Variants in KIZ observed in about 807,000 individuals in gnomAD.
KIZ encodes kizuna centrosomal protein.
In KIZ, 68 loss-of-function variants were observed where a neutral mutation model predicts 79.6. The observed-to-expected ratio is 0.85, with a 90% CI of 0.70 to 1.05. The LOEUF (loss-of-function observed/expected upper bound fraction) is 1.05. Among genes scored for constraint, KIZ ranks in the 50% least tolerant of loss-of-function variants. The pLI is 0.00. For missense variants in KIZ, 797 were observed against 800.4 expected (o/e 1.00, Z 0.05); for synonymous variants, 280 against 281.8 (o/e 0.99, Z 0.06).
chr20:21,141,814 C>T, intron 3 of KIZ, among the ~76,000 whole-genome samples: 1 of 139,810 alleles, frequency 7.2e-6, no homozygotes, highest in East Asian at 2.2e-4. Context: ...CACACACACA[C>T]ACACACACAC....
chr20:21,245,831 C>T (rs530367497), intron 12 of KIZ: 2 of 152,414 alleles, frequency 1.3e-5, no homozygotes, highest in African/African-American at 2.4e-5. Context: ...AGTAACCCCA[C>T]TCCCTTGCTC....
intron 2 of KIZ, among the ~76,000 whole-genome samples, chr20:21,133,513 A>G (rs932586939): frequency 6.6e-6 from 1 of 152,178 alleles, no homozygotes; most frequent in Non-Finnish European, 1.5e-5. Flanking sequence ...GGGAGGGGCA[A>G]GTGTGAGAAA....
intron 6 of KIZ, among the ~76,000 whole-genome samples, chr20:21,185,309 A>G (rs2122964393): frequency 6.6e-6 from 1 of 151,368 alleles, no homozygotes; most frequent in South Asian, 2.1e-4. Flanking sequence ...ATTTTGATGG[A>G]CTGGAAATGT....
intron 3 of KIZ, among the ~76,000 whole-genome samples, chr20:21,143,545 G>A (rs1417324569): frequency 6.6e-6 from 1 of 152,164 alleles, no homozygotes; most frequent in Non-Finnish European, 1.5e-5. Context: ...CATTAATTCA[G>A]CTGAAATAAA....
chr20:21,214,756 T>C, intron 8 of KIZ, 56 bp downstream of exon 8: 1 of 1,172,892 alleles, frequency 8.5e-7, no homozygotes, highest in Non-Finnish European at 1.3e-6. Context: ...GTCATCATCA[T>C]CTTTCTCAAG....
intron 6 of KIZ, among the ~76,000 whole-genome samples, chr20:21,182,658 G>T (rs1337780069): frequency 6.6e-6 from 1 of 151,898 alleles, no homozygotes; most frequent in East Asian, 1.9e-4. Flanking sequence ...TTAGCTGGGC[G>T]TGTTGGTGTG....
At chr20:21,129,962 G>A (rs556907445) in intron 1 of KIZ, among the ~76,000 whole-genome samples, 3 of 152,182 alleles carry the variant, frequency 2.0e-5, no homozygotes, top group Admixed American at 6.5e-5. Flanking sequence ...CATATATGAT[G>A]CCTCATCACT....
At chr20:21,136,662 G>T (rs2122376852) in intron 3 of KIZ, 110 bp downstream of exon 3, 2 of 700,012 alleles carry the variant, frequency 2.9e-6, no homozygotes, top group South Asian at 2.3e-5. Flanking sequence ...TGAACACCTG[G>T]GCTCAAGCAG....
At chr20:21,240,689 A>G (rs2037187726) in intron 11 of KIZ, among the ~76,000 whole-genome samples, 1 of 148,454 alleles carries the variant, frequency 6.7e-6, no homozygotes, top group Non-Finnish European at 1.5e-5. Context: ...GGCCGTGCCC[A>G]GGCCACTGCC....
chr20:21,229,345 C>T (rs368018653), intron 10 of KIZ, among the ~76,000 whole-genome samples: 4 of 152,220 alleles, frequency 2.6e-5, no homozygotes, highest in African/African-American at 9.7e-5. Flanking sequence ...CCTTCCAGGC[C>T]CTGGATTCTG....
intron 4 of KIZ, among the ~76,000 whole-genome samples, chr20:21,160,130 C>T (rs1176137513): frequency 6.6e-6 from 1 of 152,218 alleles, no homozygotes; most frequent in African/African-American, 2.4e-5. Context: ...ACACAGTTGG[C>T]AGTTCCACCC....
chr20:21,137,880 G>A (rs1475360749), intron 3 of KIZ, among the ~76,000 whole-genome samples: 1 of 152,100 alleles, frequency 6.6e-6, no homozygotes, highest in Non-Finnish European at 1.5e-5. Flanking sequence ...GGGCTCAAGC[G>A]AGCCTCCCTC....
At chr20:21,190,977 A>G (rs746486171) in intron 6 of KIZ, among the ~76,000 whole-genome samples, 1 of 152,074 alleles carries the variant, frequency 6.6e-6, no homozygotes, top group Non-Finnish European at 1.5e-5. Flanking sequence ...AGGAGGAGGG[A>G]GGTGGACAGG....
At chr20:21,245,122 G>T (rs187300200) in intron 12 of KIZ, 23 of 152,206 alleles carry the variant, frequency 1.5e-4, no homozygotes, top group Non-Finnish European at 3.1e-4. Flanking sequence ...TAAATTAAAG[G>T]TATAATTTGA....
At chr20:21,181,714 C>T (rs564448079) in intron 6 of KIZ, among the ~76,000 whole-genome samples, 60 of 152,304 alleles carry the variant, frequency 3.9e-4, no homozygotes, top group African/African-American at 1.4e-3. Context: ...CCTCCTCGGC[C>T]TCCCAAAGTG....
At chr20:21,241,306 G>C (rs1451810552) in intron 11 of KIZ, among the ~76,000 whole-genome samples, 1 of 152,118 alleles carries the variant, frequency 6.6e-6, no homozygotes, top group Non-Finnish European at 1.5e-5. Context: ...GAATTGCAGG[G>C]TCACATTTAC....
chr20:21,167,922 CT>C (rs1444218419), intron 6 of KIZ, among the ~76,000 whole-genome samples: 15 of 151,870 alleles, frequency 9.9e-5, no homozygotes, highest in Non-Finnish European at 2.1e-4. Context: ...AAAATAGTTT[CT>C]TTTTTTTATT....
At chr20:21,224,756 C>T (rs780138557) in intron 9 of KIZ, among the ~76,000 whole-genome samples, 11 of 152,116 alleles carry the variant, frequency 7.2e-5, no homozygotes, top group Non-Finnish European at 1.6e-4. Flanking sequence ...TTGTCTGGCT[C>T]TTGTAATGGG....
chr20:21,225,104 A>G (rs538138189), intron 9 of KIZ, among the ~76,000 whole-genome samples: 12 of 152,378 alleles, frequency 7.9e-5, no homozygotes, highest in Non-Finnish European at 1.3e-4. Flanking sequence ...GTCATCAGTC[A>G]GGAGTGAATA....
Sources: allele counts gnomAD v4.1 joint callset (sites outside exome capture counted in the v4.1 genomes callset), GRCh38; gene constraint gnomAD v4.1.1; transcripts MANE v1.5; gene names NCBI Gene and HGNC (gene_info 2026-07-23, HGNC 2026-07-21).